The following PLCH1 variants were observed in gnomAD, a reference collection of about 807,000 sequenced individuals.
PLCH1 encodes the protein 1-phosphatidylinositol 4,5-bisphosphate phosphodiesterase eta-1.
Under a neutral mutation model 126.7 loss-of-function variants are expected in PLCH1, and 60 were observed. The ratio of observed to expected loss-of-function variants is 0.47; its 90% CI spans 0.38 to 0.59. The LOEUF is 0.59. PLCH1 is among the 20% of genes least tolerant of loss of function. The pLI is 0.00. For missense variants in PLCH1, 1,723 were observed against 2,040.0 expected, an observed-to-expected ratio of 0.84 and a Z score of 2.99; for synonymous variants, 719 against 734.9, an observed-to-expected ratio of 0.98 and a Z score of 0.35.
At chr3:155,500,646 G>T in intron 14 of PLCH1, 57 bp downstream of exon 14, 2 of 1,019,622 alleles carry the variant, frequency 2.0e-6, no homozygotes, top group South Asian at 1.3e-5. Context: ...TGACTAAGCT[G>T]ACAAGGATGG....
intron 20 of PLCH1, among the ~76,000 whole-genome samples, chr3:155,488,397 A>G (rs2108057086): frequency 6.6e-6 from 1 of 152,084 alleles, no homozygotes; most frequent in African/African-American, 2.4e-5. Flanking sequence ...GGGTTTCTCC[A>G]TGTTGGTCAG....
rs1245036400 is a variant in PLCH1, at chr3:155,458,474, G to GAA, written c.2938+26880_2938+26881dup. Among the ~76,000 whole-genome samples the GAA allele has an allele frequency of 4.7e-4, 45 of 96,650 alleles. 3 individuals carry two copies. The highest frequency in any genetic ancestry group is 4.2e-3 in the Middle Eastern group (1 of 238). The allele number at this position is 96,650 out of a possible 152,430, so 63.4% of individuals were successfully genotyped here. A position where few individuals can be genotyped will look rare whatever the true frequency, so the allele number is the denominator to read the frequency against. On this transcript the variant is annotated intron_variant, in intron 21 of 21. Transcript: ENST00000494598. Reference sequence around the variant, plus strand: ...GGAAGGAAAGAAAGAAAGAAAGAAAGAAAGAAAGAAAGAAAGAAAGAAAGA... The same window carrying GAA: ...GGAAGGAAAGAAAGAAAGAAAGAAAGAAAAAGAAAGAAAGAAAGAAAGAAAGA...
chr3:155,502,125 T>C (rs1717999589), intron 13 of PLCH1, among the ~76,000 whole-genome samples: 1 of 152,204 alleles, frequency 6.6e-6, no homozygotes, highest in Non-Finnish European at 1.5e-5. Flanking sequence ...GCATTATTTA[T>C]GCCTTGAGTA....
chr3:155,518,780 C>T lies in PLCH1; in HGVS notation c.1471-3896G>A, dbSNP rs576489496. ...AGAGCACCTAGGGTATCCAGTATCA[C>T]ACAGAATGCTCCAAATGAGCATCCA... On this transcript the variant is annotated intron_variant, in intron 11 of 22. Coordinates refer to ENST00000460012, the MANE Select transcript of PLCH1 (RefSeq NM_014996.4). Among the ~76,000 whole-genome samples the T allele has an allele frequency of 3.3e-5, 5 of 152,274 alleles. No individual in the cohort carries two copies. In the East Asian group the frequency reaches 7.7e-4, roughly 23 times the overall value.
At position 155,482,814 on chromosome 3, in the gene PLCH1, C is replaced by G. The variant is rs1714387918; in HGVS notation, c.3212G>C (p.Cys1071Ser). 2 of 1,614,058 alleles carry G rather than the reference C, an allele frequency of 1.2e-6. No homozygotes were observed. Among genetic ancestry groups the G allele is most frequent in the Non-Finnish European group, 1.7e-6 (2 of 1,180,022 alleles). The part of the protein sequence containing the change: ...NATSNCQENP[C>S]PSKSLSPKQH... ...CTTTGGGGAGAGAGACTTGCTGGGACAGGGGTTTTCCTGGCAATTGCTTGT... is the reference window on the plus strand; with the variant it reads ...CTTTGGGGAGAGAGACTTGCTGGGAGAGGGGTTTTCCTGGCAATTGCTTGT... The change falls in exon 23 of 23, where the codon TGT (cysteine) becomes TCT (serine). Residue 1071 changes from cysteine (C) to serine (S), a missense_variant. This residue lies in a region of PLCH1 where 947 missense variants were observed against 977.1 expected (regional missense o/e 0.97). Coordinates refer to ENST00000460012, the MANE Select transcript of PLCH1 (RefSeq NM_014996.4).
chr3:155,739,395 G>A (rs1421214941), intron 1 of PLCH1, among the ~76,000 whole-genome samples: 2 of 152,170 alleles, frequency 1.3e-5, no homozygotes, highest in African/African-American at 4.8e-5. Flanking sequence ...ATCCAGAAGT[G>A]GTAAGTGAGC....
chr3:155,499,488 G>A (rs918454230), intron 14 of PLCH1, among the ~76,000 whole-genome samples: 1 of 152,182 alleles, frequency 6.6e-6, no homozygotes, highest in African/African-American at 2.4e-5. Flanking sequence ...AAATTCTACA[G>A]AAAATTAACT....
At chr3:155,728,812 AC>A (rs1748535488) in intron 1 of PLCH1, among the ~76,000 whole-genome samples, 1 of 152,200 alleles carries the variant, frequency 6.6e-6, no homozygotes, top group African/African-American at 2.4e-5. Context: ...GGAAATTAAG[AC>A]CATATTAAAA....
At chr3:155,528,193 C>A (rs1286374857) in intron 10 of PLCH1, among the ~76,000 whole-genome samples, 1 of 147,526 alleles carries the variant, frequency 6.8e-6, no homozygotes, top group African/African-American at 2.5e-5. Context: ...CATTGTACTC[C>A]AGCCTGGGCG....
chr3:155,549,790 C>T lies in PLCH1; in HGVS notation c.1359G>A (p.Val453=). The change falls in exon 10 of 23, where the codon GTG becomes GTA. Residue 453 remains valine (V), a synonymous_variant. Coordinates refer to ENST00000460012, the MANE Select transcript of PLCH1 (RefSeq NM_014996.4). ...TTGCATTACTTGAAGTAATTACCTT[C>T]ACTAGAATTTTGCCTTTCAAACTTT... ...SPQSLKGKIL[V]KGKKLPYHLG... 1.9e-6 allele frequency: 3 copies of T among 1,610,366 alleles called. No individual in the cohort carries two copies. Among genetic ancestry groups the T allele is most frequent in the Non-Finnish European group, 2.5e-6 (3 of 1,177,326 alleles).
intron 4 of PLCH1, among the ~76,000 whole-genome samples, chr3:155,590,298 G>C (rs1258606131): frequency 6.6e-6 from 1 of 152,150 alleles, no homozygotes; most frequent in African/African-American, 2.4e-5. Context: ...TACTATCTAG[G>C]CCAGGTGCGG....
intron 1 of PLCH1, among the ~76,000 whole-genome samples, chr3:155,718,172 T>A (rs1747675164): frequency 6.6e-6 from 1 of 152,138 alleles, no homozygotes; most frequent in Admixed American, 6.5e-5. Context: ...ATGCATAACC[T>A]TTACTCCAGC....
intron 2 of PLCH1, among the ~76,000 whole-genome samples, chr3:155,633,629 C>T (rs1359716670): frequency 7.2e-5 from 11 of 152,292 alleles, no homozygotes; most frequent in African/African-American, 2.4e-4. Context: ...ATAGCAGAAA[C>T]TCCATGGTGG....
rs1399266679 is a variant in PLCH1, at chr3:155,481,084, C to T, written c.4942G>A (p.Ala1648Thr). ...TGGCCATAGTGAAGAGCCGTGCATGCCCCCTCTGGGATGCCCCGGCCTTCA... is the reference window on the plus strand; with the variant it reads ...TGGCCATAGTGAAGAGCCGTGCATGTCCCCTCTGGGATGCCCCGGCCTTCA... ...GLEGRGIPEGACTALHYGHVD... is the reference protein window; with the variant it reads ...GLEGRGIPEGTCTALHYGHVD... Residue 1648 changes from alanine (A) to threonine (T), a missense_variant, in exon 23 of 23, where the codon GCA becomes ACA. Physicochemically the swap from Ala to Thr is moderately conservative, Grantham distance 58. Coordinates refer to ENST00000460012, the MANE Select transcript of PLCH1 (RefSeq NM_014996.4). The surrounding 1 kb of genome is among the most constrained non-coding windows in gnomAD (Gnocchi z 4.2). The T allele has an allele frequency of 5.0e-6, 8 of 1,614,064 alleles. No homozygotes were observed. Among genetic ancestry groups the T allele is most frequent in the East Asian group, 2.2e-5 (1 of 44,886 alleles).
intron 2 of PLCH1, among the ~76,000 whole-genome samples, chr3:155,649,617 C>T (rs148586406): frequency 1.2e-3 from 185 of 152,270 alleles, no homozygotes; most frequent in African/African-American, 4.3e-3. Context: ...TTTAATCTGA[C>T]TCTGATTTGG....
chr3:155,721,457 G>GT (rs1029959111), intron 1 of PLCH1, among the ~76,000 whole-genome samples: 6 of 151,654 alleles, frequency 4.0e-5, no homozygotes, highest in South Asian at 2.1e-4. Context: ...TCCTAAATTG[G>GT]TTTTTTTTCC....
chr3:155,678,231 G>C (rs1417861422), intron 2 of PLCH1, among the ~76,000 whole-genome samples: 2 of 152,126 alleles, frequency 1.3e-5, no homozygotes, highest in Admixed American at 6.5e-5. Flanking sequence ...TGAAGCCCCA[G>C]GCTCCTCCCT....
At chr3:155,651,623 C>T (rs1208620054) in intron 2 of PLCH1, among the ~76,000 whole-genome samples, 2 of 152,120 alleles carry the variant, frequency 1.3e-5, no homozygotes, top group African/African-American at 2.4e-5. Flanking sequence ...AAATAAAACT[C>T]TGGAGCTTAA....
intron 21 of PLCH1, among the ~76,000 whole-genome samples, chr3:155,466,089 T>C (rs892328295): frequency 6.6e-6 from 1 of 152,166 alleles, no homozygotes; most frequent in East Asian, 1.9e-4. Context: ...GACCCAGGCA[T>C]GGTTGGCTTT....
Sources: allele counts gnomAD v4.1 joint callset (sites outside exome capture counted in the v4.1 genomes callset), GRCh38; gene constraint gnomAD v4.1.1; regional missense constraint gnomAD v4.1.1; non-coding constraint Gnocchi (gnomAD v3.1); transcripts MANE v1.5; gene names NCBI Gene and HGNC (gene_info 2026-07-23, HGNC 2026-07-21).